BICD1: variants seen among roughly 807,000 people sequenced by gnomAD.
BICD1 encodes the protein BICD cargo adaptor 1, also known as protein bicaudal D homolog 1.
In BICD1, 35 loss-of-function variants were observed where a neutral mutation model predicts 92.5. The observed-to-expected ratio is 0.38, with a 90% CI of 0.29 to 0.50. The LOEUF is 0.50. BICD1 is among the 20% of genes least tolerant of loss of function. The pLI is 0.93. For missense variants in BICD1, 950 were observed against 1,189.8 expected (o/e 0.80, Z 2.97); for synonymous variants, 429 against 465.1 (o/e 0.92, Z 1.00).
Position 32,321,681 on chromosome 12 carries a change from T to G in BICD1, c.1006-5780T>G, listed in dbSNP as rs1014421843. Reference sequence around the variant, plus strand: ...TTTTAAGCTTTAAAGTGCTTTGCATTTTATTCATTCAGAGCACTAAATCTA... The same window carrying G: ...TTTTAAGCTTTAAAGTGCTTTGCATGTTATTCATTCAGAGCACTAAATCTA... On this transcript the variant is annotated intron_variant, in intron 4 of 9. Coordinates refer to ENST00000652176, the MANE Select transcript of BICD1 (RefSeq NM_001714.4). 2.0e-5 allele frequency among the ~76,000 whole-genome samples: 3 copies of G among 151,938 alleles called. 1 individual carries two copies. Among genetic ancestry groups the G allele is most frequent in the Admixed American group, 1.3e-4 (2 of 15,250 alleles).
chr12:32,332,153 T>C (rs917687532), intron 5 of BICD1, among the ~76,000 whole-genome samples: 1 of 152,128 alleles, frequency 6.6e-6, no homozygotes, highest in Non-Finnish European at 1.5e-5. Context: ...TTCTCACTTA[T>C]AAGTGGGAGC....
intron 8 of BICD1, among the ~76,000 whole-genome samples, chr12:32,359,422 G>T (rs561258075): frequency 1.4e-4 from 22 of 152,256 alleles, no homozygotes; most frequent in Admixed American, 1.2e-3. Flanking sequence ...TCCCAAAGTG[G>T]TGCAGGGCAT....
chr12:32,370,938 G>A (rs1939715732), intron 9 of BICD1, among the ~76,000 whole-genome samples: 1 of 152,088 alleles, frequency 6.6e-6, no homozygotes, highest in Non-Finnish European at 1.5e-5. Context: ...CCCTGGGCTC[G>A]AGCAACCTTC....
intron 8 of BICD1, among the ~76,000 whole-genome samples, chr12:32,344,201 A>G (rs769604988): frequency 2.1e-4 from 32 of 152,344 alleles, no homozygotes; most frequent in Non-Finnish European, 1.9e-4. Context: ...AAGGCTGGCC[A>G]TGAAAGGTGA....
chr12:32,310,396 G>A (rs1379697790), intron 4 of BICD1, among the ~76,000 whole-genome samples: 3 of 152,060 alleles, frequency 2.0e-5, no homozygotes, highest in African/African-American at 4.8e-5. Flanking sequence ...GCCTTTGAAC[G>A]TAACTGGGGG....
At position 32,317,620 on chromosome 12, in the gene BICD1, C is replaced by G. The variant is rs564338912; in HGVS notation, c.1006-9841C>G. On this transcript the variant is annotated intron_variant, in intron 4 of 9. Transcript: ENST00000652176. ...TCCTGGATATTAGATCCAGATTTGT[C>G]AGATGAGTAGGTTGCAAAAATTTTC... Among the ~76,000 whole-genome samples the G allele has an allele frequency of 1.3e-4, 20 of 152,210 alleles. No homozygotes were observed. In the East Asian group the frequency reaches 3.9e-3, roughly 29 times the overall value.
At chr12:32,357,486 G>C (rs966506684) in intron 8 of BICD1, among the ~76,000 whole-genome samples, 1 of 152,208 alleles carries the variant, frequency 6.6e-6, no homozygotes, top group African/African-American at 2.4e-5. Context: ...TCTCGGCAGA[G>C]TAAGAAGGAG....
chr12:32,141,731 C>T (rs1054730255), intron 1 of BICD1, among the ~76,000 whole-genome samples: 2 of 152,216 alleles, frequency 1.3e-5, no homozygotes, highest in Non-Finnish European at 2.9e-5. Context: ...GCCTCAGCCT[C>T]CCAAAGTGCT....
At chr12:32,113,070 C>T (rs548016558) in intron 1 of BICD1, among the ~76,000 whole-genome samples, 84 of 152,110 alleles carry the variant, frequency 5.5e-4, no homozygotes, top group Non-Finnish European at 1.2e-3. Context: ...CTGCATCATA[C>T]TACCTTGAAT....
At chr12:32,271,219 G>T (rs758356689) in intron 2 of BICD1, among the ~76,000 whole-genome samples, 1 of 152,132 alleles carries the variant, frequency 6.6e-6, no homozygotes, top group East Asian at 1.9e-4. Context: ...ATGAGACTTC[G>T]CTCAGAGCTG....
chr12:32,221,486 A>G (rs1420379048), intron 2 of BICD1, among the ~76,000 whole-genome samples: 1 of 151,830 alleles, frequency 6.6e-6, no homozygotes, highest in African/African-American at 2.4e-5. Context: ...GTTCAAGATC[A>G]GCCTGGCCAA....
chr12:32,261,240 A>C (rs1295554497), intron 2 of BICD1, among the ~76,000 whole-genome samples: 1 of 151,614 alleles, frequency 6.6e-6, no homozygotes, highest in Non-Finnish European at 1.5e-5. Context: ...CAAAACTTAC[A>C]AAAATTTCTC....
chr12:32,271,944 A>G (rs1232564926), intron 2 of BICD1, among the ~76,000 whole-genome samples: 3 of 152,088 alleles, frequency 2.0e-5, no homozygotes, highest in African/African-American at 7.2e-5. Context: ...CAAAACCTAC[A>G]TCTCTCATTT....
intron 1 of BICD1, among the ~76,000 whole-genome samples, chr12:32,170,933 T>C (rs1210806443): frequency 6.6e-6 from 1 of 152,212 alleles, no homozygotes; most frequent in African/African-American, 2.4e-5. Context: ...GCCAATCCTG[T>C]CATTTTTCAG....
intron 5 of BICD1, among the ~76,000 whole-genome samples, chr12:32,329,046 C>A (rs1194545523): frequency 6.6e-6 from 1 of 152,116 alleles, no homozygotes; most frequent in African/African-American, 2.4e-5. Flanking sequence ...AGCTTTGGAG[C>A]TGGAGGTTCA....
intron 2 of BICD1, among the ~76,000 whole-genome samples, chr12:32,254,030 G>GCTGTAT (rs1946647754): frequency 7.4e-6 from 1 of 135,862 alleles, no homozygotes; most frequent in Admixed American, 7.7e-5. Context: ...CATAATCACT[G>GCTGTAT]CCCATATCCC....
intron 4 of BICD1, among the ~76,000 whole-genome samples, chr12:32,324,410 T>G (rs1003441521): frequency 6.6e-6 from 1 of 152,042 alleles, no homozygotes; most frequent in Non-Finnish European, 1.5e-5. Context: ...TTCTATGCTT[T>G]GGCAAATTGT....
At chr12:32,255,835 G>T (rs1252548481) in intron 2 of BICD1, among the ~76,000 whole-genome samples, 1 of 152,176 alleles carries the variant, frequency 6.6e-6, no homozygotes, top group Non-Finnish European at 1.5e-5. Flanking sequence ...GCCTGTGCCA[G>T]ATGCTTTGCT....
At chr12:32,227,143 C>T (rs948812779) in intron 2 of BICD1, among the ~76,000 whole-genome samples, 3 of 152,210 alleles carry the variant, frequency 2.0e-5, no homozygotes, top group Non-Finnish European at 4.4e-5. Flanking sequence ...AGGGGGGACA[C>T]CCGTGCCCCA....
Sources: allele counts gnomAD v4.1 joint callset (sites outside exome capture counted in the v4.1 genomes callset), GRCh38; gene constraint gnomAD v4.1.1; transcripts MANE v1.5; gene names NCBI Gene and HGNC (gene_info 2026-07-23, HGNC 2026-07-21).